The following ZSCAN25 variants were observed in gnomAD, a reference collection of about 807,000 sequenced individuals.
The protein encoded by ZSCAN25 is zinc finger and SCAN domain containing 25, also known as zinc finger and SCAN domain-containing protein 25.
ZSCAN25 carries 27 observed loss-of-function variants against 38.7 expected under a neutral mutation model. That is an observed-to-expected ratio of 0.70 (90% CI 0.51 to 0.96). ZSCAN25 has a LOEUF of 0.96. ZSCAN25 is among the 40% of genes least tolerant of loss of function. ZSCAN25 has a pLI of 0.00. For synonymous variants in ZSCAN25, 273 were observed against 277.7 expected (o/e 0.98, Z 0.17); for missense variants, 637 against 705.9 (o/e 0.90, Z 1.11).
At chr7:99,711,802 A>AAC in the ZSCAN25 span, among the ~76,000 whole-genome samples, 6 of 128,098 alleles carry the variant, frequency 4.7e-5, no homozygotes, top group Non-Finnish European at 9.2e-5. Context: ...ACAACAACAA[A>AAC]AACAGAAATG....
chr7:99,716,661 C>A, the ZSCAN25 span, among the ~76,000 whole-genome samples: 3 of 152,038 alleles, frequency 2.0e-5, no homozygotes, highest in African/African-American at 4.8e-5. Context: ...CCACCTATAG[C>A]GTTTTTACCA....
the ZSCAN25 span, among the ~76,000 whole-genome samples, chr7:99,656,405 C>T: frequency 5.9e-5 from 9 of 152,276 alleles, no homozygotes; most frequent in Admixed American, 4.6e-4. Context: ...GTATGTTGAA[C>T]CAGCCTTGCA....
the ZSCAN25 span, chr7:99,709,339 A>G: frequency 2.5e-5 from 39 of 1,556,924 alleles, no homozygotes; most frequent in African/African-American, 2.7e-4. Context: ...GTACTGTTGA[A>G]CTGTTAGAAG....
chr7:99,621,288 G>C (rs927054497), intron 4 of ZSCAN25, 85 bp from the exon 5 acceptor site: 15 of 1,210,550 alleles, frequency 1.2e-5, no homozygotes, highest in Admixed American at 9.2e-5. Context: ...TCTTTTCTTG[G>C]TTCTCTTTTT....
the ZSCAN25 span, among the ~76,000 whole-genome samples, chr7:99,669,873 A>T: frequency 6.6e-6 from 1 of 152,200 alleles, no homozygotes; most frequent in African/African-American, 2.4e-5. Flanking sequence ...GATGGTAGGT[A>T]AAAGAGAGGG....
chr7:99,703,486 A>G, the ZSCAN25 span, among the ~76,000 whole-genome samples: 1 of 152,196 alleles, frequency 6.6e-6, no homozygotes, highest in African/African-American at 2.4e-5. Context: ...GTACACACAC[A>G]CAAACACATG....
At chr7:99,708,861 A>G in the ZSCAN25 span, among the ~76,000 whole-genome samples, 17 of 152,238 alleles carry the variant, frequency 1.1e-4, no homozygotes, top group Non-Finnish European at 1.9e-4. Context: ...GTTTTCTTTT[A>G]TCTAGTCTGT....
At chr7:99,676,555 C>T in the ZSCAN25 span, 119 of 1,358,684 alleles carry the variant, frequency 8.8e-5, no homozygotes, top group East Asian at 1.8e-4. Flanking sequence ...GTGGACTCTT[C>T]GCTGATTTGG....
At chr7:99,692,185 T>G in the ZSCAN25 span, among the ~76,000 whole-genome samples, 1 of 152,244 alleles carries the variant, frequency 6.6e-6, no homozygotes, top group Non-Finnish European at 1.5e-5. Flanking sequence ...AAATTTTGGG[T>G]TGAAAATTCT....
At chr7:99,690,360 C>T in the ZSCAN25 span, among the ~76,000 whole-genome samples, 3 of 152,184 alleles carry the variant, frequency 2.0e-5, no homozygotes, top group East Asian at 3.8e-4. Flanking sequence ...AAAACCTAGG[C>T]AATACCATTC....
the ZSCAN25 span, among the ~76,000 whole-genome samples, chr7:99,697,111 G>A: frequency 6.6e-6 from 1 of 152,272 alleles, no homozygotes; most frequent in Non-Finnish European, 1.5e-5. Flanking sequence ...CAGCGATGTA[G>A]GAAAGGACTA....
chr7:99,630,164 T>A lies in ZSCAN25; in HGVS notation c.*144T>A. The A allele has an allele frequency of 7.0e-7, 1 of 1,421,118 alleles. No individual in the cohort carries two copies. The highest frequency in any genetic ancestry group is 1.4e-5 in the African/African-American group (1 of 69,586). 88.0% of individuals were successfully genotyped at this position (1,421,118 alleles called of 1,614,324 possible). The stretch of plus-strand genomic sequence containing the variant: ...GCGGGAAAGGCAAGGCCTGGCTTAC[T>A]TAGAGCTTCCAGAGAGCATAGCTGC... On this transcript the variant is annotated 3_prime_UTR_variant, in exon 8 of 8. Transcript: ENST00000394152.
the ZSCAN25 span, among the ~76,000 whole-genome samples, chr7:99,675,385 C>G: frequency 6.6e-6 from 1 of 152,050 alleles, no homozygotes; most frequent in Admixed American, 6.5e-5. Flanking sequence ...CTGCTTTTAT[C>G]GAGGGTAAAA....
chr7:99,622,061 C>A (rs531723250), intron 5 of ZSCAN25: 3 of 166,010 alleles, frequency 1.8e-5, no homozygotes, highest in African/African-American at 2.4e-5. Context: ...AGTAGCTGGG[C>A]CTACAGGCAT....
chr7:99,721,571 G>T, the ZSCAN25 span, among the ~76,000 whole-genome samples: 2 of 152,218 alleles, frequency 1.3e-5, no homozygotes, highest in Admixed American at 1.3e-4. Context: ...GTGATGCTGG[G>T]AGTCCCTGGG....
chr7:99,682,470 T>C, the ZSCAN25 span, among the ~76,000 whole-genome samples: 1 of 152,244 alleles, frequency 6.6e-6, no homozygotes. Context: ...TTCTCTATTC[T>C]ATTTCATTGG....
chr7:99,676,172 CAGTCTCTTAAAA>C, the ZSCAN25 span: 4 of 1,613,778 alleles, frequency 2.5e-6, no homozygotes, highest in South Asian at 3.3e-5. Context: ...CTGGAATTCC[CAGTCTCTTAAAA>C]AGTCCATGTG....
the ZSCAN25 span, chr7:99,662,783 C>T: frequency 2.3e-5 from 36 of 1,594,704 alleles, no homozygotes; most frequent in African/African-American, 2.9e-4. The surrounding 1 kb of genome is among the most constrained non-coding windows in gnomAD (Gnocchi z 4.3). Context: ...TTAGTGTCCC[C>T]GCCAGTAGCC....
In ZSCAN25 at chr7:99,620,209, CTGTT is replaced by C. The variant is rs538674201; in HGVS notation, c.387+219_387+222del. The C allele has an allele frequency of 1.4e-4, 92 of 663,640 alleles. 2 individuals carry two copies. Among genetic ancestry groups the C allele is most frequent in the South Asian group, 1.0e-3 (47 of 46,860 alleles). 41.1% of individuals were successfully genotyped at this position (663,640 alleles called of 1,614,324 possible). A position where few individuals can be genotyped will look rare whatever the true frequency, so the allele number is the denominator to read the frequency against. On this transcript the variant is annotated intron_variant, in intron 4 of 7. Transcript: ENST00000394152. ...TGCCATGCAGAAGGGCCTGAAGCCT[CTGTT>C]TGGTCATGAGGGCAGAGGCCTGGCC... is the stretch of plus-strand genomic sequence containing the variant.
Sources: allele counts gnomAD v4.1 joint callset (sites outside exome capture counted in the v4.1 genomes callset), GRCh38; gene constraint gnomAD v4.1.1; non-coding constraint Gnocchi (gnomAD v3.1); transcripts MANE v1.5; gene names NCBI Gene and HGNC (gene_info 2026-07-23, HGNC 2026-07-21).